The following DIXDC1 variants were observed in gnomAD, a reference collection of about 807,000 sequenced individuals.
The protein encoded by DIXDC1 is DIX domain containing 1.
A neutral mutation model predicts 103.1 loss-of-function variants in DIXDC1; 64 were observed. The ratio of observed to expected loss-of-function variants is 0.62; its 90% confidence interval spans 0.51 to 0.76. The LOEUF (loss-of-function observed/expected upper bound fraction) is 0.76. Ranked by LOEUF, DIXDC1 falls within the 30% of genes least tolerant of loss-of-function variation. The pLI, the probability that DIXDC1 is intolerant of heterozygous loss-of-function variation, is 0.00. For missense variants in DIXDC1, 759 were observed against 834.2 expected (o/e 0.91, Z 1.11); for synonymous variants, 266 against 298.5 (o/e 0.89, Z 1.12).
intron 3 of DIXDC1, among the ~76,000 whole-genome samples, chr11:111,971,894 A>T (rs1368565269): frequency 3.3e-5 from 5 of 152,174 alleles, no homozygotes; most frequent in Non-Finnish European, 7.3e-5. Context: ...TTATGTTCTT[A>T]CTTATAATTG....
intron 1 of DIXDC1, among the ~76,000 whole-genome samples, chr11:111,945,982 G>C (rs1338992895): frequency 6.7e-6 from 1 of 148,970 alleles, no homozygotes; most frequent in Non-Finnish European, 1.5e-5. Flanking sequence ...TGTCGCTCAG[G>C]CTGAAGTGCA....
intron 17 of DIXDC1, among the ~76,000 whole-genome samples, chr11:112,004,521 A>AG (rs1861174586): frequency 6.6e-6 from 1 of 152,130 alleles, no homozygotes; most frequent in Admixed American, 6.6e-5. Context: ...CCACTGGGGG[A>AG]GGGACAGGAT....
At position 111,952,799 on chromosome 11, in the gene DIXDC1, G is replaced by C. The variant is rs148416996; in HGVS notation, c.61-11750G>C. 9.2e-3 allele frequency among the ~76,000 whole-genome samples: 1,381 copies of C among 150,142 alleles called. 18 individuals are homozygous for C. The highest frequency in any genetic ancestry group is 0.031 in the African/African-American group (1,271 of 40,772). On this transcript the variant is annotated intron_variant, in intron 1 of 19. Transcript: ENST00000440460. Reference sequence around the variant, plus strand: ...CACACCACTACACTCCAGCCTGGGTGACAGCGTGAGACTTTGTCTCAAAAA... The same window carrying C: ...CACACCACTACACTCCAGCCTGGGTCACAGCGTGAGACTTTGTCTCAAAAA...
intron 17 of DIXDC1, among the ~76,000 whole-genome samples, chr11:111,996,572 C>T (rs781975936): frequency 2.2e-4 from 33 of 152,184 alleles, no homozygotes; most frequent in Middle Eastern, 3.2e-3. Context: ...GTGCTCAGGC[C>T]GGGCGCGGTG....
At chr11:112,004,203 T>C (rs1337321484) in intron 17 of DIXDC1, among the ~76,000 whole-genome samples, 3 of 151,592 alleles carry the variant, frequency 2.0e-5, no homozygotes, top group Non-Finnish European at 4.4e-5. Context: ...ATTAATAAAA[T>C]ATGCTTTTGG....
Position 111,976,660 on chromosome 11 carries a change from G to A in DIXDC1, c.656+1677G>A, listed in dbSNP as rs1488630603. Among the ~76,000 whole-genome samples the A allele has an allele frequency of 6.6e-6, 1 of 152,058 alleles. No individual in the cohort carries two copies. The highest frequency in any genetic ancestry group is 1.5e-5 in the Non-Finnish European group (1 of 67,998). On this transcript the variant is annotated intron_variant, in intron 5 of 19. Coordinates refer to ENST00000440460, the MANE Select transcript of DIXDC1 (RefSeq NM_001037954.4). This position sits in a 1 kb window ranked among gnomAD's most constrained non-coding sequence, Gnocchi z 4.3. ...TCTGTGACCCATGAAGAGCCCAGGAGCCCCCAGATGTGGCTTGCTCAGGAC... is the reference window on the plus strand; with the variant it reads ...TCTGTGACCCATGAAGAGCCCAGGAACCCCCAGATGTGGCTTGCTCAGGAC...
chr11:111,961,416 C>T (rs999178688), intron 1 of DIXDC1, among the ~76,000 whole-genome samples: 2 of 152,162 alleles, frequency 1.3e-5, no homozygotes, highest in Non-Finnish European at 2.9e-5. Flanking sequence ...GTTATTTCAC[C>T]GTTTTGTGTC....
chr11:111,992,078 G>C (rs1317812352), intron 10 of DIXDC1, among the ~76,000 whole-genome samples: 1 of 152,202 alleles, frequency 6.6e-6, no homozygotes, highest in African/African-American at 2.4e-5. Flanking sequence ...TTTATAATTT[G>C]AATCTACGTC....
intron 17 of DIXDC1, among the ~76,000 whole-genome samples, chr11:112,005,824 T>C (rs2081510): frequency 0.049 from 7,457 of 152,234 alleles, 500 homozygotes; most frequent in African/African-American, 0.15. Flanking sequence ...GTAGAAGTAG[T>C]GTACAGAACA....
At chr11:112,004,486 G>T (rs1555176388) in intron 17 of DIXDC1, among the ~76,000 whole-genome samples, 1 of 152,188 alleles carries the variant, frequency 6.6e-6, no homozygotes, top group Non-Finnish European at 1.5e-5. Flanking sequence ...AACTATCTTG[G>T]ACTCAGATTG....
intron 1 of DIXDC1, among the ~76,000 whole-genome samples, chr11:111,953,482 T>C (rs60483200): frequency 0.059 from 8,937 of 151,888 alleles, 942 homozygotes; most frequent in African/African-American, 0.2. Context: ...ACTAAAAATA[T>C]AAAAAATTAG....
intron 7 of DIXDC1, among the ~76,000 whole-genome samples, chr11:111,984,528 A>C (rs1187611304): frequency 6.6e-6 from 1 of 152,044 alleles, no homozygotes; most frequent in Non-Finnish European, 1.5e-5. Flanking sequence ...ACAAAGTGAG[A>C]CTCTGTCTCC....
chr11:112,004,090 G>A (rs947542797), intron 17 of DIXDC1, among the ~76,000 whole-genome samples: 266 of 145,654 alleles, frequency 1.8e-3, no homozygotes, highest in African/African-American at 6.6e-3. Flanking sequence ...GTGTATATGT[G>A]TATATATATG....
At position 111,941,769 on chromosome 11, in the gene DIXDC1, G is replaced by A. The variant is rs587748661; in HGVS notation, c.60+4210G>A. On this transcript the variant is annotated intron_variant, in intron 1 of 19. Coordinates refer to ENST00000440460, the MANE Select transcript of DIXDC1 (RefSeq NM_001037954.4). ...GGAGGTTGAGGCTGCAATGAGCCAT[G>A]TTCCTGCTACTGTTCTCCAGCCTGG... Among the ~76,000 whole-genome samples the A allele has an allele frequency of 2.6e-5, 4 of 151,764 alleles. No individual in the cohort carries two copies. The East Asian group carries it at 7.8e-4, about 30-fold the overall frequency.
chr11:111,970,840 T>C (rs587664443), intron 3 of DIXDC1, among the ~76,000 whole-genome samples: 16 of 152,268 alleles, frequency 1.1e-4, no homozygotes, highest in African/African-American at 3.6e-4. Context: ...AACCATGTGA[T>C]CTTTGACAAA....
intron 1 of DIXDC1, among the ~76,000 whole-genome samples, chr11:111,949,989 C>T (rs142011413): frequency 1.9e-4 from 29 of 152,202 alleles, no homozygotes; most frequent in African/African-American, 6.0e-4. Flanking sequence ...CCTGTAAGCA[C>T]TGACCTTGGC....
At chr11:111,940,740 G>C (rs1966390258) in intron 1 of DIXDC1, among the ~76,000 whole-genome samples, 1 of 152,212 alleles carries the variant, frequency 6.6e-6, no homozygotes, top group Non-Finnish European at 1.5e-5. Context: ...TATAGGGAGA[G>C]ATAGGGTGTA....
chr11:111,928,116 A>G (rs886278574), intron 1 of DIXDC1, among the ~76,000 whole-genome samples: 9 of 151,716 alleles, frequency 5.9e-5, no homozygotes, highest in Admixed American at 5.3e-4. Context: ...GTTGGCTGCT[A>G]TTATATCATT....
chr11:111,967,007 T>C (rs1236738855), intron 2 of DIXDC1, among the ~76,000 whole-genome samples: 1 of 152,234 alleles, frequency 6.6e-6, no homozygotes, highest in African/African-American at 2.4e-5. Context: ...TTTACTTGGC[T>C]TCCAGAATCC....
Sources: gnomAD v4.1 joint callset for allele counts (sites outside exome capture counted in the v4.1 genomes callset) on GRCh38, gnomAD v4.1.1 for gene constraint, Gnocchi (gnomAD v3.1) non-coding constraint, MANE v1.5 for transcripts, NCBI Gene and HGNC (gene_info 2026-07-23, HGNC 2026-07-21) for gene names.